Variants in SHISA5 observed in about 807,000 individuals in gnomAD.
The protein encoded by SHISA5 is shisa family member 5.
Under a neutral mutation model 27.5 loss-of-function variants are expected in SHISA5, and 21 were observed. The observed-to-expected ratio is 0.76, with a 90% confidence interval of 0.54 to 1.10. The LOEUF is 1.10. Among genes scored for constraint, SHISA5 ranks in the 50% least tolerant of loss-of-function variants. The probability of loss-of-function intolerance (pLI) is 0.00; values close to 1 mark genes in which losing one functional copy is unlikely to be tolerated. For synonymous variants in SHISA5, 137 were observed against 142.2 expected, an observed-to-expected ratio of 0.96 and a Z score of 0.26; for missense variants, 314 against 336.3, an observed-to-expected ratio of 0.93 and a Z score of 0.52.
chr3:48,500,992 G>A, intron 2 of SHISA5, 145 bp downstream of exon 2: 1 of 909,468 alleles, frequency 1.1e-6, no homozygotes, highest in Admixed American at 2.8e-5. Flanking sequence ...CAGAACAGGG[G>A]ATCCCTAAAC....
rs1027803913 is a variant in SHISA5 at position 48,473,827 on chromosome 3, G to A, written c.315-3984C>T. On this transcript the variant is annotated intron_variant, in intron 3 of 5. Transcript: ENST00000296444. This position sits in a 1 kb window ranked among gnomAD's most constrained non-coding sequence, Gnocchi z 4.3. The stretch of plus-strand genomic sequence containing the variant: ...TGCAATCCCAGCACTTTGGGAGGCC[G>A]AGGCTTTTGGGAAGCTTGAGCCCAG... Among the ~76,000 whole-genome samples, 1 of 152,066 alleles carries A rather than the reference G, an allele frequency of 6.6e-6. No individual in the cohort carries two copies. Among genetic ancestry groups the A allele is most frequent in the Non-Finnish European group, 1.5e-5 (1 of 68,016 alleles).
rs145777753 is a variant in SHISA5, at chr3:48,475,440, G to A, written c.314+3737C>T. Reference sequence around the variant, plus strand: ...TTGTAGGGTCTGGGGAGAACTCGGCGGCCTCCAAGAAATGGAAGACTCCAA... The same window carrying A: ...TTGTAGGGTCTGGGGAGAACTCGGCAGCCTCCAAGAAATGGAAGACTCCAA... On this transcript the variant is annotated intron_variant, in intron 3 of 5. Coordinates refer to ENST00000296444, the MANE Select transcript of SHISA5 (RefSeq NM_016479.6). Among the ~76,000 whole-genome samples the A allele has an allele frequency of 9.5e-3, 1,440 of 152,256 alleles. 11 individuals carry two copies. The highest frequency in any genetic ancestry group is 0.02 in the African/African-American group (827 of 41,554).
chr3:48,471,052 G>C (rs1320658451), intron 3 of SHISA5, among the ~76,000 whole-genome samples: 1 of 152,024 alleles, frequency 6.6e-6, no homozygotes, highest in East Asian at 1.9e-4. Context: ...TTTTGAGACA[G>C]GGTCTCACTC....
intron 3 of SHISA5, among the ~76,000 whole-genome samples, chr3:48,478,141 T>C (rs2040882907): frequency 6.6e-6 from 1 of 152,190 alleles, no homozygotes; most frequent in African/African-American, 2.4e-5. Flanking sequence ...CCCACAATCC[T>C]GGGCCTCAGG....
upstream of SHISA5, chr3:48,504,242 AGGAGGAGGGAGGAGGAG>A (rs1171889241): frequency 8.6e-6 from 3 of 349,802 alleles, no homozygotes. The surrounding 1 kb of genome is among the most constrained non-coding windows in gnomAD (Gnocchi z 4.0). Flanking sequence ...GAGCAGGAGG[AGGAGGAGGGAGGAGGAG>A]GGAGGAGGGA....
intron 2 of SHISA5, among the ~76,000 whole-genome samples, chr3:48,486,040 T>C (rs1575321041): frequency 1.3e-5 from 2 of 150,546 alleles, no homozygotes; most frequent in African/African-American, 4.9e-5. Flanking sequence ...CTAGACCAGG[T>C]GATCTGAGAA....
At chr3:48,479,380 T>A in intron 2 of SHISA5, 123 bp from the exon 3 acceptor site, 1 of 838,990 alleles carries the variant, frequency 1.2e-6, no homozygotes, top group Non-Finnish European at 1.9e-6. Context: ...TCAATGGCCT[T>A]CCAGAGGTGG....
intron 2 of SHISA5, among the ~76,000 whole-genome samples, chr3:48,480,365 G>A (rs1009192702): frequency 6.6e-6 from 1 of 151,552 alleles, no homozygotes; most frequent in Admixed American, 6.6e-5. Flanking sequence ...TACTTACCTG[G>A]CAGGGGAGAA....
chr3:48,468,446 A>G lies in SHISA5; in HGVS notation c.*661T>C. 1 of 1,153,150 alleles carries G rather than the reference A, an allele frequency of 8.7e-7. No homozygotes were observed. Among genetic ancestry groups the G allele is most frequent in the Non-Finnish European group, 1.1e-6 (1 of 925,898 alleles). 71.4% of individuals were successfully genotyped at this position (1,153,150 alleles called of 1,614,324 possible). A position where few individuals can be genotyped will look rare whatever the true frequency, so the allele number is the denominator to read the frequency against. On this transcript the variant is annotated 3_prime_UTR_variant, in exon 6 of 6. Transcript: ENST00000296444. Reference sequence around the variant, plus strand: ...GGGACAGGGGACAGTCCAGGCAGACAGGTACAGCTGAGTAGGGCTCTGCCT... The same window carrying G: ...GGGACAGGGGACAGTCCAGGCAGACGGGTACAGCTGAGTAGGGCTCTGCCT...
rs755052022 is a variant in SHISA5 at position 48,469,417 on chromosome 3, G to A, written c.587C>T (p.Pro196Leu). Residue 196 changes from proline to leucine, a missense_variant, in exon 5 of 6, where the codon CCA becomes CTA. Transcript: ENST00000296444. The surrounding 1 kb of genome is among the most constrained non-coding windows in gnomAD (Gnocchi z 4.6). ...MPAAPYPMQY[P>L]PPYPAQPMGP... ...CATGGGCTGGGCTGGGTAAGGTGGTGGGTACTGCATTGGGTAGGGTGCTGC... is the reference window on the plus strand; with the variant it reads ...CATGGGCTGGGCTGGGTAAGGTGGTAGGTACTGCATTGGGTAGGGTGCTGC... 3 of 1,610,972 alleles carry A rather than the reference G, an allele frequency of 1.9e-6. No individual in the cohort carries two copies. In the South Asian group the frequency reaches 3.3e-5, roughly 18 times the overall value.
intron 1 of SHISA5, chr3:48,502,359 C>T (rs757259404): frequency 4.4e-6 from 2 of 456,560 alleles, no homozygotes; most frequent in South Asian, 3.1e-5. Flanking sequence ...CCGCGCTGGG[C>T]CTGCAGCAGG....
intron 2 of SHISA5, among the ~76,000 whole-genome samples, chr3:48,481,083 G>A (rs1369562825): frequency 1.3e-5 from 2 of 151,990 alleles, no homozygotes; most frequent in African/African-American, 2.4e-5. Context: ...CGACAAGAGC[G>A]AGACTCCATC....
intron 2 of SHISA5, among the ~76,000 whole-genome samples, chr3:48,486,015 T>A (rs2041207449): frequency 6.6e-6 from 1 of 150,660 alleles, no homozygotes; most frequent in African/African-American, 2.4e-5. Context: ...CCTCTAATAA[T>A]TTCAGTCTCT....
chr3:48,477,165 T>C (rs1319915629), intron 3 of SHISA5: 3 of 422,214 alleles, frequency 7.1e-6, no homozygotes, highest in Non-Finnish European at 1.4e-5. Context: ...TCCTTTTTTT[T>C]GTTGTTGCAA....
chr3:48,478,916 AG>A (rs2040910542), intron 3 of SHISA5, among the ~76,000 whole-genome samples: 1 of 151,948 alleles, frequency 6.6e-6, no homozygotes, highest in Non-Finnish European at 1.5e-5. Context: ...CCCAGCATCT[AG>A]GTCAATGTAC....
At chr3:48,480,627 C>T (rs910430903) in intron 2 of SHISA5, among the ~76,000 whole-genome samples, 4 of 152,060 alleles carry the variant, frequency 2.6e-5, no homozygotes, top group African/African-American at 9.7e-5. Context: ...GGCTCAGTGG[C>T]ATGCACCTGT....
chr3:48,475,223 T>C (rs2040782600), intron 3 of SHISA5, among the ~76,000 whole-genome samples: 1 of 151,814 alleles, frequency 6.6e-6, no homozygotes, highest in Admixed American at 6.6e-5. Context: ...CCAAGCAACA[T>C]TCAAGGGGTG....
In SHISA5 at chr3:48,501,435, T is replaced by C; in HGVS notation, c.77-142A>G. On this transcript the variant is annotated intron_variant, in intron 1 of 5. Transcript: ENST00000296444. The stretch of plus-strand genomic sequence containing the variant: ...TGAGCCACCCTAGCCACAGGCCACC[T>C]TCTGACCCCTGGCCACTGCTCCCCC... 7.6e-6 allele frequency: 7 copies of C among 926,172 alleles called. No individual in the cohort carries two copies. The South Asian group carries it at 8.0e-5, about 11-fold the overall frequency. The allele number at this position is 926,172 out of a possible 1,614,324, so 57.4% of individuals were successfully genotyped here.
chr3:48,471,830 G>A (rs2040637794), intron 3 of SHISA5, among the ~76,000 whole-genome samples: 1 of 151,980 alleles, frequency 6.6e-6, no homozygotes, highest in Non-Finnish European at 1.5e-5. Context: ...AGTGAGCCAA[G>A]ATCACACCAT....
Sources: gnomAD v4.1 joint callset for allele counts (sites outside exome capture counted in the v4.1 genomes callset) on GRCh38, gnomAD v4.1.1 for gene constraint, Gnocchi (gnomAD v3.1) non-coding constraint, MANE v1.5 for transcripts, NCBI Gene and HGNC (gene_info 2026-07-23, HGNC 2026-07-21) for gene names.